The following PPM1H variants were observed in gnomAD, a reference collection of about 807,000 sequenced individuals.
PPM1H encodes protein phosphatase 1H.
A neutral mutation model predicts 54.9 loss-of-function variants in PPM1H; 27 were observed. That is an observed-to-expected ratio of 0.49 (90% confidence interval 0.36 to 0.68). The LOEUF (loss-of-function observed/expected upper bound fraction) is 0.68. Among genes scored for constraint, PPM1H ranks in the 30% least tolerant of loss-of-function variants. The probability of loss-of-function intolerance (pLI) is 0.00; values close to 1 mark genes in which losing one functional copy is unlikely to be tolerated. For missense variants in PPM1H, 596 were observed against 667.8 expected (o/e 0.89, Z 1.19); for synonymous variants, 305 against 270.8 (o/e 1.13, Z -1.24).
At chr12:62,748,566 AC>A (rs1204719127) in intron 4 of PPM1H, among the ~76,000 whole-genome samples, 3 of 143,590 alleles carry the variant, frequency 2.1e-5, no homozygotes, top group African/African-American at 7.9e-5. Context: ...ACACACACAC[AC>A]GTGTGAGGAA....
At chr12:62,793,095 T>C (rs965735902) in intron 3 of PPM1H, among the ~76,000 whole-genome samples, 2 of 152,170 alleles carry the variant, frequency 1.3e-5, no homozygotes, top group Admixed American at 1.3e-4. Context: ...TTAGAATATC[T>C]CCCTATTTTT....
At chr12:62,859,798 G>A (rs1338119027) in intron 1 of PPM1H, among the ~76,000 whole-genome samples, 1 of 152,102 alleles carries the variant, frequency 6.6e-6, no homozygotes, top group East Asian at 1.9e-4. Flanking sequence ...CTAAGGAGAG[G>A]GCACATCCAT....
chr12:62,820,086 C>G (rs1441369415), intron 2 of PPM1H, among the ~76,000 whole-genome samples: 1 of 152,258 alleles, frequency 6.6e-6, no homozygotes, highest in Non-Finnish European at 1.5e-5. Flanking sequence ...CTGCGCTTTT[C>G]CAATGGCCTT....
intron 2 of PPM1H, among the ~76,000 whole-genome samples, chr12:62,819,940 C>T (rs1158586853): frequency 6.6e-6 from 1 of 152,174 alleles, no homozygotes; most frequent in African/African-American, 2.4e-5. Flanking sequence ...GTGAGTGCAG[C>T]CCAAAGAGGG....
At chr12:62,841,032 T>C (rs1456666659) in intron 1 of PPM1H, among the ~76,000 whole-genome samples, 1 of 151,500 alleles carries the variant, frequency 6.6e-6, no homozygotes, top group African/African-American at 2.4e-5. Context: ...GGACATGGGT[T>C]ATGGAGAAGA....
At chr12:62,739,644 A>G (rs2076371341) in intron 4 of PPM1H, among the ~76,000 whole-genome samples, 1 of 152,238 alleles carries the variant, frequency 6.6e-6, no homozygotes, top group East Asian at 1.9e-4. Flanking sequence ...CCATGGAAGC[A>G]TCTCCTCTAG....
In PPM1H at chr12:62,802,138, T is replaced by G; in HGVS notation, c.434A>C (p.His145Pro). ...ENSESEGVSC[H>P]YWSLFDGHAG... ...GTGCCCGTCAAACAGCGACCAATAG[T>G]GGCAGGAAACACCCTCGGATTCCTG... The change falls in exon 3 of 10, where the codon CAC (histidine) becomes CCC (proline). Residue 145 changes from histidine to proline, a missense_variant. This residue lies in a region of PPM1H where 382 missense variants were observed against 387.1 expected (regional missense o/e 0.99). Transcript: ENST00000228705. 1 of 1,575,544 alleles carries G rather than the reference T, an allele frequency of 6.3e-7. No individual in the cohort carries two copies. Among genetic ancestry groups the G allele is most frequent in the South Asian group, 1.2e-5 (1 of 85,490 alleles).
chr12:62,750,273 A>G (rs1277884475), intron 4 of PPM1H, among the ~76,000 whole-genome samples: 2 of 152,030 alleles, frequency 1.3e-5, no homozygotes, highest in East Asian at 3.9e-4. Context: ...TTTAGTAGCC[A>G]CTCCCCATCT....
At chr12:62,777,694 T>C (rs1236965970) in intron 4 of PPM1H, among the ~76,000 whole-genome samples, 1 of 152,194 alleles carries the variant, frequency 6.6e-6, no homozygotes, top group East Asian at 1.9e-4. Flanking sequence ...TGAGAGCAGA[T>C]AAGAAACGAA....
intron 9 of PPM1H, chr12:62,659,349 C>CCTT (rs2136603565): frequency 2.3e-6 from 1 of 440,198 alleles, no homozygotes; most frequent in African/African-American, 2.1e-5. Context: ...TTTTAATTTT[C>CCTT]TGGTTCCTTT....
At chr12:62,787,216 A>C (rs1362144869) in intron 4 of PPM1H, among the ~76,000 whole-genome samples, 2 of 152,064 alleles carry the variant, frequency 1.3e-5, no homozygotes, top group African/African-American at 4.8e-5. Context: ...GAGACAGGGA[A>C]GGGGAAAGGG....
intron 4 of PPM1H, among the ~76,000 whole-genome samples, chr12:62,772,969 G>GT (rs1025121330): frequency 7.9e-5 from 12 of 152,072 alleles, no homozygotes; most frequent in Admixed American, 7.2e-4. Context: ...CCAACATGGT[G>GT]AAACCCTGTC....
intron 1 of PPM1H, among the ~76,000 whole-genome samples, chr12:62,900,760 G>A (rs1488378895): frequency 6.6e-6 from 1 of 152,120 alleles, no homozygotes; most frequent in African/African-American, 2.4e-5. Context: ...GGCCAGGGGA[G>A]GAAACTGCTC....
intron 3 of PPM1H, among the ~76,000 whole-genome samples, chr12:62,800,780 G>A (rs1285269287): frequency 2.0e-5 from 3 of 152,234 alleles, no homozygotes. Flanking sequence ...AATTGGCTTA[G>A]GATAAAGTAA....
At chr12:62,887,956 G>A (rs905391692) in intron 1 of PPM1H, among the ~76,000 whole-genome samples, 3 of 152,160 alleles carry the variant, frequency 2.0e-5, no homozygotes, top group African/African-American at 7.2e-5. Flanking sequence ...CCTCAAGGTG[G>A]TCAAGGACCT....
intron 1 of PPM1H, among the ~76,000 whole-genome samples, chr12:62,846,590 C>A (rs189254603): frequency 3.1e-3 from 464 of 151,880 alleles, no homozygotes; most frequent in Non-Finnish European, 5.8e-3. Context: ...CAGCTTCCCC[C>A]ATCTGGTCTC....
At chr12:62,705,710 C>T (rs560771463) in intron 6 of PPM1H, among the ~76,000 whole-genome samples, 5 of 152,284 alleles carry the variant, frequency 3.3e-5, no homozygotes, top group East Asian at 1.9e-4. Context: ...CTCTCTCCAC[C>T]GATATGAATC....
chr12:62,705,676 C>T (rs2076169118), intron 6 of PPM1H, among the ~76,000 whole-genome samples: 1 of 152,208 alleles, frequency 6.6e-6, no homozygotes, highest in African/African-American at 2.4e-5. Context: ...GTAACAGCTT[C>T]ATATTCTAAT....
chr12:62,834,154 G>A (rs1036258160), intron 1 of PPM1H, among the ~76,000 whole-genome samples: 2 of 152,100 alleles, frequency 1.3e-5, no homozygotes, highest in Non-Finnish European at 2.9e-5. Context: ...TACAAAGTTT[G>A]ACAATTGTTG....
Sources: allele counts gnomAD v4.1 joint callset (sites outside exome capture counted in the v4.1 genomes callset), GRCh38; gene constraint gnomAD v4.1.1; regional missense constraint gnomAD v4.1.1; transcripts MANE v1.5; gene names NCBI Gene and HGNC (gene_info 2026-07-23, HGNC 2026-07-21).